SH2D4A: variants seen among roughly 807,000 people sequenced by gnomAD.
SH2D4A encodes the protein SH2 domain-containing protein 4A.
In SH2D4A, 70 loss-of-function variants were observed where a neutral mutation model predicts 64.7. The ratio of observed to expected loss-of-function variants is 1.08; its 90% CI spans 0.89 to 1.32. SH2D4A has a LOEUF of 1.32. Ranked by LOEUF, SH2D4A falls within the 40% of genes most tolerant of loss-of-function variation. The pLI is 0.00. For missense variants in SH2D4A, 706 were observed against 540.1 expected (o/e 1.31, Z -3.04); for synonymous variants, 268 against 200.7 (o/e 1.34, Z -2.83).
At chr8:19,374,605 C>A (rs577970424) in intron 8 of SH2D4A, among the ~76,000 whole-genome samples, 12 of 152,186 alleles carry the variant, frequency 7.9e-5, no homozygotes, top group Admixed American at 2.0e-4. Context: ...CTATTTGTGA[C>A]AGGCTTTCTC....
intron 8 of SH2D4A, chr8:19,375,169 C>T (rs1351394382): frequency 3.9e-5 from 6 of 152,076 alleles, no homozygotes; most frequent in African/African-American, 1.2e-4. Flanking sequence ...TTTATTTTCA[C>T]TTGTACACAT....
intron 3 of SH2D4A, among the ~76,000 whole-genome samples, chr8:19,334,057 C>T (rs1187811672): frequency 1.3e-5 from 2 of 152,142 alleles, no homozygotes; most frequent in Non-Finnish European, 2.9e-5. Context: ...CGGAGGGAAA[C>T]TGAGGCAGGT....
intron 4 of SH2D4A, among the ~76,000 whole-genome samples, chr8:19,356,970 C>G (rs146917195): frequency 6.6e-6 from 1 of 152,334 alleles, no homozygotes; most frequent in Non-Finnish European, 1.5e-5. Flanking sequence ...CAGCTCCTCG[C>G]TCTTGGGCAA....
chr8:19,374,913 C>T (rs931948287), intron 8 of SH2D4A, among the ~76,000 whole-genome samples: 2 of 152,150 alleles, frequency 1.3e-5, no homozygotes, highest in African/African-American at 4.8e-5. Flanking sequence ...AAATCAGCCA[C>T]TTTGTAGTTT....
At chr8:19,328,124 C>G (rs963343495) in intron 2 of SH2D4A, among the ~76,000 whole-genome samples, 2 of 152,124 alleles carry the variant, frequency 1.3e-5, no homozygotes, top group African/African-American at 4.8e-5. Flanking sequence ...CTTTCTTCTG[C>G]CCTCTGAATA....
At chr8:19,367,016 C>T (rs2053008669) in intron 7 of SH2D4A, among the ~76,000 whole-genome samples, 1 of 152,104 alleles carries the variant, frequency 6.6e-6, no homozygotes, top group African/African-American at 2.4e-5. Context: ...ATATTCCTAC[C>T]ATCAGGCAAT....
intron 7 of SH2D4A, among the ~76,000 whole-genome samples, chr8:19,368,198 T>C (rs1029995613): frequency 1.3e-4 from 20 of 152,208 alleles, no homozygotes; most frequent in Non-Finnish European, 2.4e-4. Context: ...GGGTTCTTTA[T>C]TCTGTTTCAT....
At chr8:19,332,842 G>GATAT (rs3042985) in intron 2 of SH2D4A, 113 bp from the exon 3 acceptor site, 483 of 846,068 alleles carry the variant, frequency 5.7e-4, no homozygotes, top group African/African-American at 2.0e-3. Flanking sequence ...TGTCTCATCT[G>GATAT]ATATATATAT....
chr8:19,333,252 T>C lies in SH2D4A; in HGVS notation c.341+138T>C, dbSNP rs1469669530. ...GGTCACAAAAGTCACTTTGGATCTCTTTGGAAGGTTGATTTAGACTTTTGG... is the reference window on the plus strand; with the variant it reads ...GGTCACAAAAGTCACTTTGGATCTCCTTGGAAGGTTGATTTAGACTTTTGG... On this transcript the variant is annotated intron_variant, in intron 3 of 9. Coordinates refer to ENST00000265807, the MANE Select transcript of SH2D4A (RefSeq NM_022071.4). The C allele has an allele frequency of 5.5e-6, 5 of 914,232 alleles. No individual in the cohort carries two copies. In the Admixed American group the frequency reaches 1.3e-4, roughly 25 times the overall value. The allele number at this position is 914,232 out of a possible 1,614,324, so 56.6% of individuals were successfully genotyped here.
At chr8:19,370,436 A>G (rs2053075481) in intron 7 of SH2D4A, among the ~76,000 whole-genome samples, 1 of 152,020 alleles carries the variant, frequency 6.6e-6, no homozygotes, top group Admixed American at 6.6e-5. Context: ...TTGAGTACAT[A>G]TATATTTATA....
At chr8:19,320,441 A>G (rs1463822728) in intron 2 of SH2D4A, among the ~76,000 whole-genome samples, 1 of 151,998 alleles carries the variant, frequency 6.6e-6, no homozygotes, top group Admixed American at 6.6e-5. Flanking sequence ...GCCTGGAAAT[A>G]TAGTGAGACC....
intron 4 of SH2D4A, among the ~76,000 whole-genome samples, chr8:19,356,221 G>A (rs769282983): frequency 5.3e-5 from 8 of 152,198 alleles, no homozygotes; most frequent in Non-Finnish European, 8.8e-5. Context: ...TGGGAAATGC[G>A]GTATAGTGGG....
chr8:19,368,407 T>C (rs2053038356), intron 7 of SH2D4A, among the ~76,000 whole-genome samples: 1 of 152,114 alleles, frequency 6.6e-6, no homozygotes, highest in Non-Finnish European at 1.5e-5. Flanking sequence ...ATATCATTGG[T>C]ATTTTGATAG....
chr8:19,355,986 C>G (rs952734749), intron 4 of SH2D4A, among the ~76,000 whole-genome samples: 3 of 152,168 alleles, frequency 2.0e-5, no homozygotes, highest in African/African-American at 7.2e-5. Context: ...AATAGGTGTT[C>G]TAGTTCAGGA....
At chr8:19,314,299 G>A (rs1469046171) in intron 1 of SH2D4A, among the ~76,000 whole-genome samples, 1 of 152,168 alleles carries the variant, frequency 6.6e-6, no homozygotes, top group East Asian at 1.9e-4. Context: ...CTTGCGCATG[G>A]AAATCTTCCA....
chr8:19,328,005 A>G (rs900605986), intron 2 of SH2D4A, among the ~76,000 whole-genome samples: 1 of 152,060 alleles, frequency 6.6e-6, no homozygotes, highest in Non-Finnish European at 1.5e-5. Flanking sequence ...TCTCAGCAAC[A>G]TGGCAGGACA....
Position 19,334,852 on chromosome 8 carries a change from A to T in SH2D4A, c.508A>T (p.Ile170Phe). Reference sequence around the variant, plus strand: ...AGCACCAACCCTGGAAGAAGAGAAAATCCGAGTGAGTCCTTACTGTCTGTA... The same window carrying T: ...AGCACCAACCCTGGAAGAAGAGAAATTCCGAGTGAGTCCTTACTGTCTGTA... ...RPAPTLEEEK[I>F]RSLSSSSRNI... Residue 170 changes from isoleucine (I) to phenylalanine (F), a missense_variant, in exon 4 of 10, where the codon ATC becomes TTC. Physicochemically the swap from Ile to Phe is conservative, Grantham distance 21. Coordinates refer to ENST00000265807, the MANE Select transcript of SH2D4A (RefSeq NM_022071.4). The T allele has an allele frequency of 6.2e-7, 1 of 1,604,032 alleles. No homozygotes were observed. The highest frequency in any genetic ancestry group is 8.5e-7 in the Non-Finnish European group (1 of 1,177,490).
intron 7 of SH2D4A, 84 bp downstream of exon 7, chr8:19,364,366 G>GT (rs1380606081): frequency 6.7e-7 from 1 of 1,482,812 alleles, no homozygotes; most frequent in Admixed American, 1.9e-5. Context: ...AATTGTATGA[G>GT]CTGCCATGGG....
chr8:19,315,526 A>G (rs376881177), intron 1 of SH2D4A, among the ~76,000 whole-genome samples: 4 of 152,202 alleles, frequency 2.6e-5, no homozygotes, highest in African/African-American at 9.6e-5. Flanking sequence ...TGTATTGTAG[A>G]ACAGTGTGAA....
Sources: allele counts gnomAD v4.1 joint callset (sites outside exome capture counted in the v4.1 genomes callset), GRCh38; gene constraint gnomAD v4.1.1; transcripts MANE v1.5; gene names NCBI Gene and HGNC (gene_info 2026-07-23, HGNC 2026-07-21).